LRMDA: variants seen among roughly 807,000 people sequenced by gnomAD.
The protein encoded by LRMDA is leucine-rich melanocyte differentiation-associated protein.
LRMDA carries 18 observed loss-of-function variants against 29.8 expected under a neutral mutation model. That is an observed-to-expected ratio of 0.60 (90% CI 0.42 to 0.90). The LOEUF (loss-of-function observed/expected upper bound fraction) is 0.90. Among genes scored for constraint, LRMDA ranks in the 40% least tolerant of loss-of-function variants. The pLI is 0.00. For synonymous variants in LRMDA, 125 were observed against 109.4 expected (o/e 1.14, Z -0.89); for missense variants, 273 against 273.9 (o/e 1.00, Z 0.02).
chr10:75,905,491 A>T (rs1845743422), intron 2 of LRMDA, among the ~76,000 whole-genome samples: 1 of 152,136 alleles, frequency 6.6e-6, no homozygotes, highest in Non-Finnish European at 1.5e-5. Flanking sequence ...CAATTACATC[A>T]ATTTGATCTT....
At chr10:75,683,811 C>A (rs1221485635) in intron 2 of LRMDA, among the ~76,000 whole-genome samples, 2 of 152,184 alleles carry the variant, frequency 1.3e-5, no homozygotes, top group African/African-American at 2.4e-5. Flanking sequence ...TATTACACAC[C>A]TACTCTGTGC....
intron 2 of LRMDA, among the ~76,000 whole-genome samples, chr10:75,753,645 G>A (rs1486268417): frequency 2.0e-5 from 3 of 152,210 alleles, no homozygotes; most frequent in African/African-American, 7.2e-5. Flanking sequence ...TGTGGAGAGG[G>A]TTGAGCCTAG....
chr10:75,678,933 A>G (rs929122348), intron 2 of LRMDA, among the ~76,000 whole-genome samples: 1 of 152,164 alleles, frequency 6.6e-6, no homozygotes, highest in Non-Finnish European at 1.5e-5. Flanking sequence ...GGGCAGGACA[A>G]TGGTATTTCA....
intron 5 of LRMDA, among the ~76,000 whole-genome samples, chr10:76,277,928 T>C (rs186251431): frequency 6.6e-6 from 1 of 152,330 alleles, no homozygotes; most frequent in African/African-American, 2.4e-5. Context: ...ATGATTTCTC[T>C]AATTCACTGG....
chr10:76,408,068 C>T (rs1049702829), intron 6 of LRMDA, among the ~76,000 whole-genome samples: 1 of 152,222 alleles, frequency 6.6e-6, no homozygotes, highest in African/African-American at 2.4e-5. Context: ...CTAACACTTA[C>T]TGCTTTTTAT....
intron 5 of LRMDA, among the ~76,000 whole-genome samples, chr10:76,201,756 T>A (rs1297115284): frequency 6.6e-6 from 1 of 152,246 alleles, no homozygotes; most frequent in East Asian, 1.9e-4. Flanking sequence ...GGTGCCGATG[T>A]TTCTGCTGAG....
chr10:75,797,554 T>C (rs1467049995), intron 2 of LRMDA, among the ~76,000 whole-genome samples: 1 of 152,206 alleles, frequency 6.6e-6, no homozygotes, highest in Non-Finnish European at 1.5e-5. Flanking sequence ...CACTCTCTAT[T>C]CCTACCCCCA....
chr10:76,403,363 G>A (rs1160128003), intron 6 of LRMDA: 1 of 151,730 alleles, frequency 6.6e-6, no homozygotes, highest in African/African-American at 2.4e-5. Flanking sequence ...GTGGGAAAAG[G>A]CAGGTAAGAG....
chr10:75,839,276 A>G (rs1159999351), intron 2 of LRMDA, among the ~76,000 whole-genome samples: 7 of 152,188 alleles, frequency 4.6e-5, no homozygotes, highest in Admixed American at 4.6e-4. Context: ...CTGAGAAGAG[A>G]GTGGAGCAAA....
At chr10:75,641,929 A>C (rs1249209869) in intron 2 of LRMDA, among the ~76,000 whole-genome samples, 5 of 152,302 alleles carry the variant, frequency 3.3e-5, no homozygotes, top group African/African-American at 1.2e-4. Flanking sequence ...CATGAAGTTT[A>C]ATTTTGGATC....
chr10:76,141,692 G>A (rs949184741), intron 5 of LRMDA, among the ~76,000 whole-genome samples: 2 of 152,058 alleles, frequency 1.3e-5, no homozygotes, highest in African/African-American at 4.8e-5. Flanking sequence ...GGGGATTATA[G>A]TCTTGTCACA....
chr10:75,437,317 C>T (rs1353349842), intron 1 of LRMDA, among the ~76,000 whole-genome samples: 1 of 152,224 alleles, frequency 6.6e-6, no homozygotes, highest in Non-Finnish European at 1.5e-5. Flanking sequence ...AGGAAACACC[C>T]TCCTGGGGAG....
intron 2 of LRMDA, among the ~76,000 whole-genome samples, chr10:75,848,237 C>G (rs899021147): frequency 2.0e-5 from 3 of 152,146 alleles, no homozygotes; most frequent in Non-Finnish European, 4.4e-5. Flanking sequence ...AGAAGGAAAT[C>G]CCTGTCACAT....
At chr10:76,519,519 G>A (rs1444844698) in intron 6 of LRMDA, among the ~76,000 whole-genome samples, 1 of 152,160 alleles carries the variant, frequency 6.6e-6, no homozygotes, top group Non-Finnish European at 1.5e-5. Flanking sequence ...ATTCATATAT[G>A]TTTGGCAGGG....
chr10:76,005,927 T>TTAAATAAA (rs10590818), intron 2 of LRMDA, among the ~76,000 whole-genome samples: 14,585 of 148,340 alleles, frequency 0.098, 820 homozygotes, highest in South Asian at 0.18. Context: ...AGACTCCATC[T>TTAAATAAA]TAAATAAATA....
At chr10:76,145,150 T>G (rs1482793925) in intron 5 of LRMDA, among the ~76,000 whole-genome samples, 1 of 152,240 alleles carries the variant, frequency 6.6e-6, no homozygotes, top group Non-Finnish European at 1.5e-5. Context: ...GGTCTAAAAT[T>G]CTCTTTTTTG....
In LRMDA at chr10:76,557,409, G is replaced by C; in HGVS notation, c.*121G>C. 1 of 808,892 alleles carries C rather than the reference G, an allele frequency of 1.2e-6. No individual in the cohort carries two copies. The highest frequency in any genetic ancestry group is 2.6e-5 in the East Asian group (1 of 38,164). The allele number at this position is 808,892 out of a possible 1,614,324, so 50.1% of individuals were successfully genotyped here. ...ATTGCCTCTCTTTGGGAAAAGCTAT[G>C]ACTTCAGCTTTTGGTACCTTCCGCT... On this transcript the variant is annotated 3_prime_UTR_variant, in exon 7 of 7. Coordinates refer to ENST00000611255, the MANE Select transcript of LRMDA (RefSeq NM_001305581.2).
At chr10:75,660,172 T>C (rs1276711614) in intron 2 of LRMDA, among the ~76,000 whole-genome samples, 1 of 152,216 alleles carries the variant, frequency 6.6e-6, no homozygotes, top group Non-Finnish European at 1.5e-5. Context: ...TGCACACATC[T>C]GTAATTATAT....
intron 2 of LRMDA, among the ~76,000 whole-genome samples, chr10:75,659,988 G>C (rs1200525292): frequency 6.6e-6 from 1 of 152,024 alleles, no homozygotes; most frequent in African/African-American, 2.4e-5. Context: ...GTTTTCCTAA[G>C]TCATAGGCGA....
Sources: allele counts gnomAD v4.1 joint callset (sites outside exome capture counted in the v4.1 genomes callset), GRCh38; gene constraint gnomAD v4.1.1; transcripts MANE v1.5; gene names NCBI Gene and HGNC (gene_info 2026-07-23, HGNC 2026-07-21).